TMTC2: variants seen among roughly 807,000 people sequenced by gnomAD.
TMTC2 encodes transmembrane O-mannosyltransferase targeting cadherins 2, also known as protein O-mannosyl-transferase TMTC2.
TMTC2 carries 43 observed loss-of-function variants against 82.4 expected under a neutral mutation model. That is an observed-to-expected ratio of 0.52 (90% CI 0.41 to 0.67). The LOEUF is 0.67. Among genes scored for constraint, TMTC2 ranks in the 30% least tolerant of loss-of-function variants. TMTC2 has a pLI of 0.00. For missense variants in TMTC2, 919 were observed against 1,012.4 expected (o/e 0.91, Z 1.25); for synonymous variants, 408 against 381.9 (o/e 1.07, Z -0.80).
intron 2 of TMTC2, among the ~76,000 whole-genome samples, chr12:82,876,031 T>TGGTGGTGGTGGC (rs1565788580): frequency 1.1e-4 from 8 of 74,122 alleles, no homozygotes; most frequent in Non-Finnish European, 1.6e-4. Flanking sequence ...GTGGTGGCGG[T>TGGTGGTGGTGGC]GGTGGTGGTG....
intron 8 of TMTC2, among the ~76,000 whole-genome samples, chr12:83,012,906 A>G (rs934200543): frequency 6.6e-6 from 1 of 152,176 alleles, no homozygotes; most frequent in Non-Finnish European, 1.5e-5. Context: ...AGGGATTATA[A>G]TATTTATGTA....
At chr12:82,806,991 C>T (rs761204544) in intron 1 of TMTC2, among the ~76,000 whole-genome samples, 7 of 152,104 alleles carry the variant, frequency 4.6e-5, no homozygotes, top group Non-Finnish European at 7.4e-5. Context: ...TAGCACAGAA[C>T]CCTGTTGAGT....
At position 82,965,121 on chromosome 12, in the gene TMTC2, T is replaced by C. The variant is rs376576385; in HGVS notation, c.1684+12T>C. On this transcript the variant is annotated intron_variant, in intron 5 of 11. Coordinates refer to ENST00000321196, the MANE Select transcript of TMTC2 (RefSeq NM_152588.3). ...GCCTACCCTGGCTTGTAAGTAATAC[T>C]CAAGTGTTTATTTTTTTATACCTCT... 19 of 1,581,442 alleles carry C rather than the reference T, an allele frequency of 1.2e-5. 1 individual carries two copies. In the South Asian group the frequency reaches 1.6e-4, roughly 13 times the overall value.
chr12:82,949,484 T>A lies in TMTC2; in HGVS notation c.1599-15540T>A, dbSNP rs183084091. ...AAGGGGAAAAGTTGCTTTTTTAAAA[T>A]TTTTTAAATTAAATTATCTGGCAAC... On this transcript the variant is annotated intron_variant, in intron 4 of 11. Transcript: ENST00000321196. Among the ~76,000 whole-genome samples, 525 of 152,328 alleles carry A rather than the reference T, an allele frequency of 3.4e-3. 3 individuals are homozygous for A. The highest frequency in any genetic ancestry group is 5.4e-3 in the Non-Finnish European group (364 of 68,020).
chr12:83,102,162 A>G (rs142458301), intron 11 of TMTC2, among the ~76,000 whole-genome samples: 2 of 152,278 alleles, frequency 1.3e-5, no homozygotes, highest in African/African-American at 4.8e-5. Context: ...CATCAGAAAA[A>G]GTTTCGTTTT....
chr12:82,925,979 G>GT (rs374054535), intron 3 of TMTC2, among the ~76,000 whole-genome samples: 13,397 of 118,744 alleles, frequency 0.11, 790 homozygotes, highest in African/African-American at 0.19. Flanking sequence ...GGAGAAAATT[G>GT]TTTTTTTTTT....
At chr12:83,079,865 A>G (rs954321664) in intron 11 of TMTC2, among the ~76,000 whole-genome samples, 29 of 152,166 alleles carry the variant, frequency 1.9e-4, no homozygotes, top group Non-Finnish European at 3.5e-4. Context: ...TTTCTTACCT[A>G]TATTGAGTTA....
intron 10 of TMTC2, among the ~76,000 whole-genome samples, chr12:83,058,610 A>G (rs1029527145): frequency 2.0e-5 from 3 of 151,832 alleles, no homozygotes; most frequent in African/African-American, 7.2e-5. Flanking sequence ...TGACATAACA[A>G]TGTTGACTCC....
rs192491570 is a variant in TMTC2 at position 82,773,090 on chromosome 12, G to A, written c.84-83920G>A. On this transcript the variant is annotated intron_variant, in intron 1 of 11. Transcript: ENST00000321196. The stretch of plus-strand genomic sequence containing the variant: ...TATATGCCATGTTGGTTTTTTGATG[G>A]AAAATGGATCCCAAGTGAAAATGTT... Among the ~76,000 whole-genome samples the A allele has an allele frequency of 1.3e-3, 197 of 152,182 alleles. 1 individual carries two copies. The highest frequency in any genetic ancestry group is 4.3e-3 in the African/African-American group (177 of 41,512).
chr12:82,914,352 C>G (rs1874871187), intron 3 of TMTC2, among the ~76,000 whole-genome samples: 1 of 151,928 alleles, frequency 6.6e-6, no homozygotes, highest in Admixed American at 6.6e-5. Flanking sequence ...CTAGTATTTA[C>G]TTTTGCCCTG....
chr12:82,698,289 G>A (rs1872912749), intron 1 of TMTC2, among the ~76,000 whole-genome samples: 1 of 152,170 alleles, frequency 6.6e-6, no homozygotes, highest in Admixed American at 6.5e-5. Context: ...AAAGATTACA[G>A]TTTTAGTCTT....
chr12:83,028,962 A>G (rs1287690489), intron 8 of TMTC2, among the ~76,000 whole-genome samples: 1 of 152,194 alleles, frequency 6.6e-6, no homozygotes, highest in Non-Finnish European at 1.5e-5. Flanking sequence ...ACGAGGAGTT[A>G]CTGAATAGAG....
chr12:82,709,569 G>GT (rs1166338572), intron 1 of TMTC2, among the ~76,000 whole-genome samples: 2 of 152,092 alleles, frequency 1.3e-5, no homozygotes, highest in East Asian at 3.8e-4. Flanking sequence ...TTGATTTTCA[G>GT]TAAGAGTCTA....
At chr12:82,780,581 T>G (rs1406257457) in intron 1 of TMTC2, among the ~76,000 whole-genome samples, 1 of 152,146 alleles carries the variant, frequency 6.6e-6, no homozygotes, top group African/African-American at 2.4e-5. Flanking sequence ...GTTTGCATGC[T>G]TCTTTGCTTC....
At chr12:82,966,666 G>A (rs73146586) in intron 6 of TMTC2, among the ~76,000 whole-genome samples, 1 of 151,998 alleles carries the variant, frequency 6.6e-6, no homozygotes, top group African/African-American at 2.4e-5. Context: ...TAGAAAATTT[G>A]TATTAAAAGA....
intron 11 of TMTC2, among the ~76,000 whole-genome samples, chr12:83,110,410 C>T (rs1308899736): frequency 6.6e-6 from 1 of 152,126 alleles, no homozygotes; most frequent in African/African-American, 2.4e-5. Flanking sequence ...ACTTCTCAGG[C>T]TAATTCCTCC....
At chr12:82,762,016 G>A (rs1252620131) in intron 1 of TMTC2, among the ~76,000 whole-genome samples, 1 of 145,202 alleles carries the variant, frequency 6.9e-6, no homozygotes, top group Non-Finnish European at 1.5e-5. Context: ...GCCCAGGCTG[G>A]GGTGCAGTGG....
chr12:83,132,136 T>G lies in TMTC2; in HGVS notation c.2332-74T>G, dbSNP rs557805625. Reference sequence around the variant, plus strand: ...TAAGGGAATTATTTGCATAAGTGGATGAAGATTTTTGTTTTCCATGAAGGA... The same window carrying G: ...TAAGGGAATTATTTGCATAAGTGGAGGAAGATTTTTGTTTTCCATGAAGGA... On this transcript the variant is annotated intron_variant, in intron 11 of 11. Coordinates refer to ENST00000321196, the MANE Select transcript of TMTC2 (RefSeq NM_152588.3). 4.6e-4 allele frequency: 689 copies of G among 1,501,546 alleles called. 1 individual carries two copies. Among genetic ancestry groups the G allele is most frequent in the South Asian group, 2.9e-3 (213 of 73,762 alleles). 93.0% of individuals were successfully genotyped at this position (1,501,546 alleles called of 1,614,324 possible).
At chr12:82,770,765 G>A (rs932606252) in intron 1 of TMTC2, among the ~76,000 whole-genome samples, 3 of 151,990 alleles carry the variant, frequency 2.0e-5, no homozygotes, top group African/African-American at 4.8e-5. Context: ...CGGATTACAC[G>A]GTGTACTTAA....
Sources: gnomAD v4.1 joint callset for allele counts (sites outside exome capture counted in the v4.1 genomes callset) on GRCh38, gnomAD v4.1.1 for gene constraint, MANE v1.5 for transcripts, NCBI Gene and HGNC (gene_info 2026-07-23, HGNC 2026-07-21) for gene names.